Variants in INIP observed in about 807,000 individuals in gnomAD.
The protein encoded by INIP is SOSS complex subunit C.
INIP carries 9 observed loss-of-function variants against 14.0 expected under a neutral mutation model. The ratio of observed to expected loss-of-function variants is 0.64; its 90% confidence interval spans 0.39 to 1.12. The LOEUF is 1.12. Among genes scored for constraint, INIP ranks in the 50% most tolerant of loss-of-function variants. The pLI, the probability that INIP is intolerant of heterozygous loss-of-function variation, is 0.01. For missense variants in INIP, 78 were observed against 122.7 expected, an observed-to-expected ratio of 0.64 and a Z score of 1.72; for synonymous variants, 37 against 41.5, an observed-to-expected ratio of 0.89 and a Z score of 0.41.
Position 112,716,456 on chromosome 9 carries a change from A to C in INIP, c.25+5T>G. The C allele has an allele frequency of 6.2e-7, 1 of 1,613,354 alleles. No homozygotes were observed. The highest frequency in any genetic ancestry group is 8.5e-7 in the Non-Finnish European group (1 of 1,179,352). On this transcript the variant is annotated splice_donor_5th_base_variant and intron_variant, in intron 2 of 4. Coordinates refer to ENST00000374242, the MANE Select transcript of INIP (RefSeq NM_021218.3). ...TCATAGTAAAGAAATTCCTGCTGTCATTACCTTGTCCTGAAGAGTTTGCTG... is the reference window on the plus strand; with the variant it reads ...TCATAGTAAAGAAATTCCTGCTGTCCTTACCTTGTCCTGAAGAGTTTGCTG...
chr9:112,692,084 A>G (rs1284738029), intron 3 of INIP, among the ~76,000 whole-genome samples: 1 of 148,200 alleles, frequency 6.7e-6, no homozygotes, highest in African/African-American at 2.4e-5. Flanking sequence ...GTCTGATAAG[A>G]AAAGGACTCT....
intron 2 of INIP, among the ~76,000 whole-genome samples, chr9:112,705,683 A>G (rs987473538): frequency 6.6e-6 from 1 of 152,226 alleles, no homozygotes; most frequent in African/African-American, 2.4e-5. Context: ...TGAGTATTAA[A>G]TTATGAGCAG....
intron 2 of INIP, among the ~76,000 whole-genome samples, chr9:112,700,009 T>C (rs1838237203): frequency 6.6e-6 from 1 of 152,206 alleles, no homozygotes; most frequent in Non-Finnish European, 1.5e-5. Flanking sequence ...TTACATCTTG[T>C]AGTTGTTTTA....
rs1182832333 is a variant in INIP at position 112,687,599 on chromosome 9, G to A, written c.254C>T (p.Thr85Ile). 1.2e-6 allele frequency: 2 copies of A among 1,608,228 alleles called. No homozygotes were observed. The highest frequency in any genetic ancestry group is 8.5e-7 in the Non-Finnish European group (1 of 1,175,322). The change falls in exon 5 of 5, where the codon ACT becomes ATT. Residue 85 changes from threonine to isoleucine, a missense_variant. Thr to Ile is a moderately conservative substitution (Grantham distance 89, BLOSUM62 -1). Coordinates refer to ENST00000374242, the MANE Select transcript of INIP (RefSeq NM_021218.3). ...AHAHSSGYFI[T>I]QDSAFGNLIL... ...AAGGTTCCCAAATGCAGAGTCTTGA[G>A]TGATGAAGTATCCAGATGAATGTGC...
Position 112,687,502 on chromosome 9 carries a change from T to TAAAAA in INIP, c.*35_*36insTTTTT, listed in dbSNP as rs1564218465. On this transcript the variant is annotated 3_prime_UTR_variant, in exon 5 of 5. Transcript: ENST00000374242. ...GAATGATAGTAGCTTTGGCATTTGA[T>TAAAAA]ATTACAAAGTCACTTTTCCATCGCA... 3 of 1,276,954 alleles carry TAAAAA rather than the reference T, an allele frequency of 2.3e-6. No homozygotes were observed. The highest frequency in any genetic ancestry group is 3.4e-6 in the Non-Finnish European group (3 of 876,038). The allele number at this position is 1,276,954 out of a possible 1,614,324, so 79.1% of individuals were successfully genotyped here.
intron 2 of INIP, among the ~76,000 whole-genome samples, chr9:112,712,211 A>G (rs1838668836): frequency 2.0e-5 from 3 of 152,196 alleles, no homozygotes; most frequent in Admixed American, 1.3e-4. Context: ...TCAAAGTTTC[A>G]CTCACTGCTG....
chr9:112,694,179 C>A lies in INIP; in HGVS notation c.80G>T (p.Arg27Ile). Residue 27 changes from arginine (R) to isoleucine (I), a missense_variant, in exon 3 of 5, where the codon AGA (arginine) becomes ATA (isoleucine). Transcript: ENST00000374242. ...AILAELDKEK[R>I]KLLMQNQSST... ...AGACTGGTTCTGCATAAGTAGTTTT[C>A]TTTTCTCTTTGTCCAGTTCTGCCAA... The A allele has an allele frequency of 1.2e-6, 2 of 1,611,972 alleles. No homozygotes were observed. Among genetic ancestry groups the A allele is most frequent in the Non-Finnish European group, 1.7e-6 (2 of 1,179,256 alleles).
At chr9:112,687,896 T>C (rs373619377) in intron 4 of INIP, among the ~76,000 whole-genome samples, 1 of 151,968 alleles carries the variant, frequency 6.6e-6, no homozygotes, top group East Asian at 1.9e-4. Context: ...CCATCCTGGC[T>C]AACGTGGTGA....
At chr9:112,691,634 A>G (rs150596335) in intron 3 of INIP, among the ~76,000 whole-genome samples, 119 of 152,372 alleles carry the variant, frequency 7.8e-4, no homozygotes, top group African/African-American at 2.6e-3. Context: ...AAATAGAGAA[A>G]TGTCCACAAA....
intron 3 of INIP, 101 bp from the exon 4 acceptor site, chr9:112,689,718 C>T (rs1172449243): frequency 1.4e-5 from 12 of 828,250 alleles, no homozygotes. Flanking sequence ...ATTGAGGTAT[C>T]CTTGACAAAA....
At chr9:112,689,347 CA>C (rs1837795954) in intron 4 of INIP, among the ~76,000 whole-genome samples, 179 bp downstream of exon 4, 2 of 152,226 alleles carry the variant, frequency 1.3e-5, no homozygotes, top group South Asian at 4.1e-4. Flanking sequence ...AAGATACTTT[CA>C]TTACTGCTGC....
chr9:112,709,919 T>C (rs745870028), intron 2 of INIP, among the ~76,000 whole-genome samples: 4 of 152,242 alleles, frequency 2.6e-5, no homozygotes, highest in Non-Finnish European at 2.9e-5. Context: ...TTCATTCTCT[T>C]TGCCATAGCA....
At chr9:112,709,420 C>T (rs535353493) in intron 2 of INIP, among the ~76,000 whole-genome samples, 5 of 152,082 alleles carry the variant, frequency 3.3e-5, no homozygotes, top group South Asian at 4.2e-4. Flanking sequence ...ATGGAATCAA[C>T]GTGGGTTCTC....
At chr9:112,699,273 T>C (rs1045107305) in intron 2 of INIP, among the ~76,000 whole-genome samples, 26 of 151,970 alleles carry the variant, frequency 1.7e-4, no homozygotes, top group African/African-American at 5.8e-4. Context: ...GATGGGCCAC[T>C]GCACTCTGGC....
chr9:112,698,955 T>C (rs533803504), intron 2 of INIP, among the ~76,000 whole-genome samples: 37 of 152,242 alleles, frequency 2.4e-4, no homozygotes, highest in South Asian at 8.3e-4. Flanking sequence ...ATTGATTTTC[T>C]GAATTTCTAG....
chr9:112,699,626 T>A (rs1197821063), intron 2 of INIP, among the ~76,000 whole-genome samples: 2 of 152,118 alleles, frequency 1.3e-5, no homozygotes, highest in Non-Finnish European at 2.9e-5. Context: ...TATAAAGAAT[T>A]CAGTACCATC....
intron 2 of INIP, among the ~76,000 whole-genome samples, chr9:112,710,096 T>C (rs1478399947): frequency 6.6e-6 from 1 of 152,224 alleles, no homozygotes; most frequent in African/African-American, 2.4e-5. Flanking sequence ...CATACTTTAG[T>C]ATAAACGTGA....
intron 2 of INIP, among the ~76,000 whole-genome samples, chr9:112,705,415 T>C (rs540476781): frequency 2.0e-5 from 3 of 152,192 alleles, no homozygotes; most frequent in Admixed American, 6.5e-5. Flanking sequence ...GCTCAAGGCA[T>C]CCTCCTGCTT....
chr9:112,693,528 G>C (rs1314641664), intron 3 of INIP, among the ~76,000 whole-genome samples: 1 of 152,178 alleles, frequency 6.6e-6, no homozygotes, highest in Non-Finnish European at 1.5e-5. Flanking sequence ...AGAGTTCTAA[G>C]CCATGATTTT....
Sources: allele counts gnomAD v4.1 joint callset (sites outside exome capture counted in the v4.1 genomes callset), GRCh38; gene constraint gnomAD v4.1.1; transcripts MANE v1.5; gene names NCBI Gene and HGNC (gene_info 2026-07-23, HGNC 2026-07-21).